Variants in LPP observed in about 807,000 individuals in gnomAD.
LPP encodes the protein LIM domain containing preferred translocation partner in lipoma.
LPP carries 38 observed loss-of-function variants against 60.4 expected under a neutral mutation model. The observed-to-expected ratio is 0.63, with a 90% CI of 0.49 to 0.83. The LOEUF is 0.83. LPP is among the 40% of genes least tolerant of loss of function. The pLI, the probability that LPP is intolerant of heterozygous loss-of-function variation, is 0.00. For synonymous variants in LPP, 328 were observed against 290.8 expected (o/e 1.13, Z -1.30); for missense variants, 902 against 783.6 (o/e 1.15, Z -1.80).
Position 188,300,886 on chromosome 3 carries a change from A to G in LPP, c.-66-40777A>G, listed in dbSNP as rs537086442. Among the ~76,000 whole-genome samples, 7 of 152,246 alleles carry G rather than the reference A, an allele frequency of 4.6e-5. No individual in the cohort carries two copies. In the South Asian group the frequency reaches 6.2e-4, roughly 14 times the overall value. On this transcript the variant is annotated intron_variant, in intron 2 of 11. Transcript: ENST00000617246. Reference sequence around the variant, plus strand: ...TAATGATGAAGAGAGACCTTTGAATATTTTCTTAAATGAAGATTGAAGGAG... The same window carrying G: ...TAATGATGAAGAGAGACCTTTGAATGTTTTCTTAAATGAAGATTGAAGGAG...
chr3:188,665,867 G>A (rs1018949213), intron 7 of LPP, among the ~76,000 whole-genome samples: 2 of 152,214 alleles, frequency 1.3e-5, no homozygotes, highest in Non-Finnish European at 2.9e-5. Context: ...CAAAGTAAGT[G>A]AGGAACTATA....
chr3:188,432,943 G>A (rs1032449598), intron 4 of LPP, among the ~76,000 whole-genome samples: 1 of 152,144 alleles, frequency 6.6e-6, no homozygotes, highest in African/African-American at 2.4e-5. Context: ...GGACCTTTAA[G>A]GTATTCTGCC....
chr3:188,756,842 C>T (rs1022734419), intron 8 of LPP, among the ~76,000 whole-genome samples: 2 of 152,056 alleles, frequency 1.3e-5, no homozygotes, highest in African/African-American at 4.8e-5. Flanking sequence ...TTAGGCTGAC[C>T]CACTCTAGAG....
At position 188,885,061 on chromosome 3, in the gene LPP, G is replaced by C; in HGVS notation, c.*10582G>C. On this transcript the variant is annotated 3_prime_UTR_variant, in exon 12 of 12. Coordinates refer to ENST00000617246, the MANE Select transcript of LPP (RefSeq NM_001375462.1). ...GCTCTAGAAGTTGCTCTACGTAACAGTTCAGCAAGCAAGTGTTCCTTCTCT... is the reference window on the plus strand; with the variant it reads ...GCTCTAGAAGTTGCTCTACGTAACACTTCAGCAAGCAAGTGTTCCTTCTCT... 4.7e-6 allele frequency: 1 copy of C among 213,512 alleles called. No homozygotes were observed. The highest frequency in any genetic ancestry group is 9.5e-6 in the Non-Finnish European group (1 of 105,624). 13.2% of individuals were successfully genotyped at this position (213,512 alleles called of 1,614,324 possible).
At chr3:188,422,055 T>G (rs898173498) in intron 4 of LPP, among the ~76,000 whole-genome samples, 1 of 152,160 alleles carries the variant, frequency 6.6e-6, no homozygotes, top group Non-Finnish European at 1.5e-5. Context: ...TCAGAACTTC[T>G]GCATTTTTCT....
intron 4 of LPP, among the ~76,000 whole-genome samples, chr3:188,462,594 G>GTGTA (rs1799372195): frequency 6.7e-4 from 6 of 8,972 alleles, no homozygotes; most frequent in Non-Finnish European, 9.7e-4. Flanking sequence ...ATGCATGTGT[G>GTGTA]TGTGTGTGTG....
chr3:188,847,125 A>G (rs968589311), intron 9 of LPP, among the ~76,000 whole-genome samples: 1 of 152,248 alleles, frequency 6.6e-6, no homozygotes, highest in Non-Finnish European at 1.5e-5. Flanking sequence ...ATATCTGCCT[A>G]GCAAGAAACA....
intron 7 of LPP, among the ~76,000 whole-genome samples, chr3:188,661,744 A>C (rs1854618648): frequency 6.6e-6 from 1 of 152,192 alleles, no homozygotes; most frequent in Non-Finnish European, 1.5e-5. Flanking sequence ...TCTTCTCATA[A>C]ACGCTTGACA....
intron 7 of LPP, among the ~76,000 whole-genome samples, chr3:188,632,804 T>C (rs1235694289): frequency 6.6e-6 from 1 of 152,152 alleles, no homozygotes; most frequent in Non-Finnish European, 1.5e-5. Context: ...AGCGCCCCTT[T>C]TGTCTTCCTC....
At chr3:188,599,751 G>GTGTGTGT (rs1553938530) in intron 6 of LPP, among the ~76,000 whole-genome samples, 1 of 139,828 alleles carries the variant, frequency 7.2e-6, no homozygotes, top group South Asian at 2.4e-4. Context: ...ACTCGTTAGG[G>GTGTGTGT]GTGTGTGTGT....
intron 7 of LPP, among the ~76,000 whole-genome samples, chr3:188,630,870 G>A (rs376141969): frequency 1.2e-4 from 19 of 152,292 alleles, no homozygotes; most frequent in East Asian, 7.7e-4. Flanking sequence ...CATGTCCTTT[G>A]CAGGGACATG....
At chr3:188,664,338 C>T (rs1855284349) in intron 7 of LPP, among the ~76,000 whole-genome samples, 2 of 152,178 alleles carry the variant, frequency 1.3e-5, no homozygotes, top group South Asian at 4.1e-4. Flanking sequence ...CGGCATGCCG[C>T]TAAATGTGTA....
intron 7 of LPP, among the ~76,000 whole-genome samples, chr3:188,660,163 AC>A (rs1420214633): frequency 6.6e-6 from 1 of 151,948 alleles, no homozygotes; most frequent in African/African-American, 2.4e-5. Flanking sequence ...TTCTCTCCTT[AC>A]TTTTGCCTTG....
intron 8 of LPP, among the ~76,000 whole-genome samples, chr3:188,753,582 T>C (rs1190138189): frequency 3.3e-5 from 4 of 120,242 alleles, no homozygotes; most frequent in Non-Finnish European, 6.0e-5. Context: ...GTTGTGTGCG[T>C]GTGTGTGTGT....
At chr3:188,366,220 C>T (rs1343089899) in intron 3 of LPP, among the ~76,000 whole-genome samples, 1 of 152,200 alleles carries the variant, frequency 6.6e-6, no homozygotes, top group Admixed American at 6.5e-5. Context: ...GGATTTCCTT[C>T]TTTGTTAAGG....
intron 2 of LPP, among the ~76,000 whole-genome samples, chr3:188,274,946 A>G (rs112434545): frequency 0.025 from 3,851 of 152,292 alleles, 65 homozygotes; most frequent in Non-Finnish European, 0.035. Context: ...AGTCTGACTG[A>G]AGGAACACCA....
chr3:188,375,389 G>A (rs1252450015), intron 3 of LPP, among the ~76,000 whole-genome samples: 1 of 152,178 alleles, frequency 6.6e-6, no homozygotes, highest in Non-Finnish European at 1.5e-5. Context: ...TTCAGAGCCT[G>A]TTATTGGTCT....
chr3:188,266,379 A>G (rs1390897145), intron 2 of LPP, among the ~76,000 whole-genome samples: 4 of 152,134 alleles, frequency 2.6e-5, no homozygotes, highest in Non-Finnish European at 5.9e-5. Context: ...TACGTTTTTT[A>G]GATGGATTGG....
At position 188,877,086 on chromosome 3, in the gene LPP, T is replaced by A. The variant is rs1769336601; in HGVS notation, c.*2607T>A. ...AGAGTTTTTTTTTTCTTTCACAAGG[T>A]ATAATAAGGAAAGGATCCTACAATA... On this transcript the variant is annotated 3_prime_UTR_variant, in exon 12 of 12. Transcript: ENST00000617246. 1 of 173,158 alleles carries A rather than the reference T, an allele frequency of 5.8e-6. No homozygotes were observed. Among genetic ancestry groups the A allele is most frequent in the African/African-American group, 2.4e-5 (1 of 42,176 alleles). The allele number at this position is 173,158 out of a possible 1,614,324, so 10.7% of individuals were successfully genotyped here.
Sources: gnomAD v4.1 joint callset for allele counts (sites outside exome capture counted in the v4.1 genomes callset) on GRCh38, gnomAD v4.1.1 for gene constraint, MANE v1.5 for transcripts, NCBI Gene and HGNC (gene_info 2026-07-23, HGNC 2026-07-21) for gene names.